SIAE: variants seen among roughly 807,000 people sequenced by gnomAD.
SIAE encodes sialic acid acetylesterase.
Under a neutral mutation model 52.6 loss-of-function variants are expected in SIAE, and 39 were observed. That is an observed-to-expected ratio of 0.74 (90% confidence interval 0.57 to 0.97). The LOEUF is 0.97. SIAE is among the 50% of genes least tolerant of loss of function. The pLI is 0.00. For synonymous variants in SIAE, 233 were observed against 241.4 expected (o/e 0.97, Z 0.32); for missense variants, 592 against 662.1 (o/e 0.89, Z 1.16).
At chr11:124,648,024 C>T (rs369747840) in intron 6 of SIAE, 42 bp downstream of exon 6, 189 of 1,474,540 alleles carry the variant, frequency 1.3e-4, no homozygotes, top group Non-Finnish European at 1.6e-4. Context: ...ATACAGCAAA[C>T]GCTATCTGAT....
chr11:124,663,084 C>T (rs576686366), intron 2 of SIAE, among the ~76,000 whole-genome samples: 1 of 151,964 alleles, frequency 6.6e-6, no homozygotes, highest in Non-Finnish European at 1.5e-5. Flanking sequence ...GTGGAGGTTG[C>T]AGTGAGCTGA....
intron 9 of SIAE, among the ~76,000 whole-genome samples, chr11:124,638,132 C>T (rs1209261193): frequency 6.6e-6 from 1 of 152,134 alleles, no homozygotes; most frequent in Non-Finnish European, 1.5e-5. Flanking sequence ...CAAAGGAGAA[C>T]CTAAACTCAG....
upstream of SIAE, chr11:124,675,438 T>C: frequency 6.2e-7 from 1 of 1,600,348 alleles, no homozygotes; most frequent in Non-Finnish European, 8.5e-7. Context: ...CTAAAATTAG[T>C]CATTTTTTAA....
In SIAE at chr11:124,660,641, ATCTGCATGTTAC is replaced by A; in HGVS notation, c.380_391del (p.Ser127_Gln130del). On this transcript the variant is annotated inframe_deletion, in exon 3 of 10. Transcript: ENST00000263593. ...TCTGCAAATTACCTGTAACACAGTC[ATCTGCATGTTAC>A]TCTGCCCACTACAGAGCCAGACATC... is the stretch of plus-strand genomic sequence containing the variant. 6.2e-7 allele frequency: 1 copy of A among 1,614,160 alleles called. No individual in the cohort carries two copies. Among genetic ancestry groups the A allele is most frequent in the Non-Finnish European group, 8.5e-7 (1 of 1,180,022 alleles).
At chr11:124,656,490 T>C (rs955494760) in intron 3 of SIAE, among the ~76,000 whole-genome samples, 1 of 152,138 alleles carries the variant, frequency 6.6e-6, no homozygotes, top group African/African-American at 2.4e-5. Flanking sequence ...CCCAAATCAC[T>C]GTATTAAACC....
chr11:124,675,540 A>G, upstream of SIAE: 2 of 1,050,610 alleles, frequency 1.9e-6, no homozygotes, highest in Non-Finnish European at 2.7e-6. Flanking sequence ...AGTTTCAGAT[A>G]ACAGTTCTTG....
At chr11:124,647,301 C>A (rs1336512267) in intron 7 of SIAE, 64 bp downstream of exon 7, 1 of 1,609,894 alleles carries the variant, frequency 6.2e-7, no homozygotes, top group Non-Finnish European at 8.5e-7. Flanking sequence ...TGCCCATAAA[C>A]CTCTTCCTCT....
intron 7 of SIAE, among the ~76,000 whole-genome samples, chr11:124,643,776 C>T (rs1942886067): frequency 6.6e-6 from 1 of 152,160 alleles, no homozygotes; most frequent in East Asian, 1.9e-4. Context: ...AGGCATCAAC[C>T]TATTATCTCT....
Position 124,673,727 on chromosome 11 carries a change from G to T in SIAE, c.-19C>A, listed in dbSNP as rs377197490. The T allele has an allele frequency of 6.2e-7, 1 of 1,612,232 alleles. No homozygotes were observed. Among genetic ancestry groups the T allele is most frequent in the Admixed American group, 1.7e-5 (1 of 59,938 alleles). On this transcript the variant is annotated 5_prime_UTR_variant, in exon 1 of 10. Transcript: ENST00000263593. ...CGACCATGCTTGCAAGGATCTGACC[G>T]CCGCCTAGGACTGGGAAAGTGGGTT...
At chr11:124,639,578 C>T (rs1942809393) in intron 8 of SIAE, 132 bp downstream of exon 8, 3 of 1,117,352 alleles carry the variant, frequency 2.7e-6, no homozygotes, top group East Asian at 2.4e-5. Flanking sequence ...GCTGTTGTTA[C>T]TGCAGCACAC....
intron 3 of SIAE, chr11:124,659,653 G>C (rs1378273936): frequency 1.6e-5 from 2 of 126,844 alleles, no homozygotes; most frequent in Admixed American, 7.6e-5. Context: ...AAAAAAGGGG[G>C]GGGGGGGGCT....
intron 2 of SIAE, among the ~76,000 whole-genome samples, chr11:124,663,967 C>T (rs1005832794): frequency 6.6e-6 from 1 of 152,220 alleles, no homozygotes; most frequent in Admixed American, 6.5e-5. Flanking sequence ...TTGCTATTAG[C>T]TATTCCAGGC....
chr11:124,646,978 A>G (rs77064284), intron 7 of SIAE, among the ~76,000 whole-genome samples: 2,563 of 152,338 alleles, frequency 0.017, 70 homozygotes, highest in African/African-American at 0.058. Flanking sequence ...TTTTAGAGAA[A>G]AATGCAAGAT....
At chr11:124,663,467 G>A (rs1943221430) in intron 2 of SIAE, among the ~76,000 whole-genome samples, 1 of 151,862 alleles carries the variant, frequency 6.6e-6, no homozygotes, top group African/African-American at 2.4e-5. Context: ...CCAGCTACTC[G>A]GGAGGCTGAG....
At chr11:124,656,746 C>T (rs1943107094) in intron 3 of SIAE, among the ~76,000 whole-genome samples, 1 of 152,068 alleles carries the variant, frequency 6.6e-6, no homozygotes, top group African/African-American at 2.4e-5. Flanking sequence ...TTCTATCCCC[C>T]TGGACTGGCC....
chr11:124,647,578 TGCC>T, intron 6 of SIAE, 80 bp from the exon 7 acceptor site: 1 of 1,539,756 alleles, frequency 6.5e-7, no homozygotes, highest in Middle Eastern at 1.9e-4. Flanking sequence ...CCTCCATCCA[TGCC>T]CTGAGGTAGT....
At chr11:124,639,543 G>A (rs991124134) in intron 8 of SIAE, among the ~76,000 whole-genome samples, 167 bp downstream of exon 8, 3 of 152,202 alleles carry the variant, frequency 2.0e-5, no homozygotes, top group African/African-American at 7.2e-5. Context: ...TGGTGCATCA[G>A]AGAACTGAGA....
intron 3 of SIAE, 117 bp from the exon 4 acceptor site, chr11:124,654,910 T>C: frequency 8.2e-7 from 1 of 1,219,210 alleles, no homozygotes; most frequent in Non-Finnish European, 1.2e-6. Context: ...ATCAAATTAA[T>C]AACCAAAACC....
In SIAE at chr11:124,639,665, C is replaced by T. The variant is rs749188942; in HGVS notation, c.1124+45G>A. 8.7e-6 allele frequency: 14 copies of T among 1,613,278 alleles called. No individual in the cohort carries two copies. The South Asian group carries it at 1.5e-4, about 18-fold the overall frequency. On this transcript the variant is annotated intron_variant, in intron 8 of 9. Transcript: ENST00000263593. ...CGGTGAACATCAGAGTGAAAGACTA[C>T]AAAGAACATACACTGTTCATGCAAA...
Sources: allele counts gnomAD v4.1 joint callset (sites outside exome capture counted in the v4.1 genomes callset), GRCh38; gene constraint gnomAD v4.1.1; transcripts MANE v1.5; gene names NCBI Gene and HGNC (gene_info 2026-07-23, HGNC 2026-07-21).